SLC30A8: variants seen among roughly 807,000 people sequenced by gnomAD.
SLC30A8 encodes the protein solute carrier family 30 member 8.
Under a neutral mutation model 36.9 loss-of-function variants are expected in SLC30A8, and 27 were observed. The ratio of observed to expected loss-of-function variants is 0.73; its 90% CI spans 0.54 to 1.01. SLC30A8 has a LOEUF of 1.01. SLC30A8 is among the 50% of genes least tolerant of loss of function. SLC30A8 has a pLI of 0.00. For missense variants in SLC30A8, 439 were observed against 452.0 expected, an observed-to-expected ratio of 0.97 and a Z score of 0.26; for synonymous variants, 164 against 172.4, an observed-to-expected ratio of 0.95 and a Z score of 0.38.
rs140560452 is a variant in SLC30A8, at chr8:117,058,798, A to T, written c.-226+19540A>T. On this transcript the variant is annotated intron_variant, in intron 2 of 10. Coordinates refer to the SLC30A8 transcript ENST00000427715. ...TTTGGTGTCCACACACAACTTTTTT[A>T]TTGGAATCCACACACACACCCACTC... Among the ~76,000 whole-genome samples the T allele has an allele frequency of 4.3e-3, 654 of 152,284 alleles. 3 individuals are homozygous for T. Among genetic ancestry groups the T allele is most frequent in the Non-Finnish European group, 7.2e-3 (489 of 68,004 alleles).
chr8:116,991,171 GTCA>G (rs1348370434), intron 1 of SLC30A8, among the ~76,000 whole-genome samples: 1 of 152,062 alleles, frequency 6.6e-6, no homozygotes, highest in East Asian at 1.9e-4. Flanking sequence ...TAGAAGAATA[GTCA>G]TCGTTTTAAA....
At position 117,171,025 on chromosome 8, in the gene SLC30A8, T is replaced by C. The variant is rs1161722159; in HGVS notation, c.830-9T>C. 1 of 1,577,714 alleles carries C rather than the reference T, an allele frequency of 6.3e-7. No homozygotes were observed. The highest frequency in any genetic ancestry group is 8.6e-7 in the Non-Finnish European group (1 of 1,164,094). On this transcript the variant is annotated splice_polypyrimidine_tract_variant and intron_variant, in intron 6 of 7. Coordinates refer to ENST00000456015, the MANE Select transcript of SLC30A8 (RefSeq NM_173851.3). ...ATAACTACAGCCTCCATCTCTTCCC[T>C]TTTGTCAGGTGTGCCAAAGAGCCTG...
At chr8:117,128,471 G>A (rs532938041) in intron 2 of SLC30A8, 12 of 152,076 alleles carry the variant, frequency 7.9e-5, no homozygotes, top group African/African-American at 2.9e-4. Flanking sequence ...ACGCGTCTGT[G>A]TGTGTGCTCA....
chr8:117,116,591 T>C (rs1446104623), intron 2 of SLC30A8, among the ~76,000 whole-genome samples: 1 of 152,010 alleles, frequency 6.6e-6, no homozygotes, highest in Non-Finnish European at 1.5e-5. Context: ...ATTTCAGGTG[T>C]GTCTGGATTT....
chr8:117,084,405 A>G (rs562551876), intron 2 of SLC30A8, among the ~76,000 whole-genome samples: 2 of 152,268 alleles, frequency 1.3e-5, no homozygotes, highest in East Asian at 3.9e-4. Context: ...TTATGTATCA[A>G]ATTTGACCCT....
At position 116,958,841 on chromosome 8, in the gene SLC30A8, A is replaced by ATTTTT. The variant is rs758505118; in HGVS notation, c.-266+7746_-266+7750dup. ...CCTATAGCCCACTGATGCTCTTTTC[A>ATTTTT]TTTTTTTTTTTTTTTTTTTTTTTTT... On this transcript the variant is annotated intron_variant, in intron 1 of 10. Coordinates refer to the SLC30A8 transcript ENST00000427715. Among the ~76,000 whole-genome samples the ATTTTT allele has an allele frequency of 4.0e-4, 24 of 60,030 alleles. 8 individuals are homozygous for ATTTTT. Among genetic ancestry groups the ATTTTT allele is most frequent in the African/African-American group, 8.3e-4 (12 of 14,422 alleles). 39.4% of individuals were successfully genotyped at this position (60,030 alleles called of 152,430 possible). A position where few individuals can be genotyped will look rare whatever the true frequency, so the allele number is the denominator to read the frequency against.
intron 2 of SLC30A8, among the ~76,000 whole-genome samples, chr8:117,114,814 C>T (rs141330855): frequency 1.3e-3 from 194 of 152,138 alleles, no homozygotes; most frequent in African/African-American, 4.5e-3. Context: ...CTGGGAGCAG[C>T]CTCAGAAATG....
intron 6 of SLC30A8, among the ~76,000 whole-genome samples, chr8:117,165,128 C>T (rs1468233729): frequency 7.2e-5 from 11 of 152,206 alleles, no homozygotes; most frequent in Admixed American, 7.2e-4. Flanking sequence ...AGACCCACCT[C>T]TGTTCAAATG....
chr8:116,986,588 C>T lies in SLC30A8; in HGVS notation c.-266+35469C>T, dbSNP rs567107494. ...TCAATCATCAAGTCAGAAGATAGACCGAAAAACAAACAAAATTAACAGCTC... is the reference window on the plus strand; with the variant it reads ...TCAATCATCAAGTCAGAAGATAGACTGAAAAACAAACAAAATTAACAGCTC... On this transcript the variant is annotated intron_variant, in intron 1 of 10. Transcript: ENST00000427715. 5.3e-5 allele frequency among the ~76,000 whole-genome samples: 8 copies of T among 152,010 alleles called. No individual in the cohort carries two copies. In the South Asian group the frequency reaches 1.0e-3, roughly 20 times the overall value.
chr8:117,116,259 G>A (rs1437731026), intron 2 of SLC30A8, among the ~76,000 whole-genome samples: 1 of 152,004 alleles, frequency 6.6e-6, no homozygotes, highest in Non-Finnish European at 1.5e-5. Context: ...GGAGGGCTTT[G>A]ATTAGAAGTG....
At chr8:117,111,414 T>G (rs1397147636) in intron 2 of SLC30A8, among the ~76,000 whole-genome samples, 2 of 152,132 alleles carry the variant, frequency 1.3e-5, no homozygotes, top group Non-Finnish European at 2.9e-5. Flanking sequence ...CCATCTCTTC[T>G]TTCTTCTTTT....
At chr8:117,158,758 C>T (rs1822630617) in intron 4 of SLC30A8, among the ~76,000 whole-genome samples, 1 of 150,586 alleles carries the variant, frequency 6.6e-6, no homozygotes, top group African/African-American at 2.5e-5. Flanking sequence ...TTCTGGGCAA[C>T]TCTACTTAAA....
intron 2 of SLC30A8, among the ~76,000 whole-genome samples, chr8:117,056,738 G>C (rs1309128899): frequency 6.6e-6 from 1 of 152,006 alleles, no homozygotes; most frequent in Admixed American, 6.6e-5. Flanking sequence ...AGCCCTTTGG[G>C]GAAAATAAAA....
intron 1 of SLC30A8, among the ~76,000 whole-genome samples, chr8:116,971,290 G>T (rs1275718938): frequency 6.6e-6 from 1 of 151,634 alleles, no homozygotes; most frequent in East Asian, 1.9e-4. Flanking sequence ...TGTTATAGAG[G>T]CATTCCCTGT....
chr8:117,018,664 C>CA (rs746600218), intron 1 of SLC30A8, among the ~76,000 whole-genome samples: 5 of 39,950 alleles, frequency 1.3e-4, no homozygotes, highest in African/African-American at 2.9e-4. Flanking sequence ...ATCTGACTAG[C>CA]CCCCCCCCCC....
chr8:117,101,549 T>TA (rs1333088513), intron 2 of SLC30A8, among the ~76,000 whole-genome samples: 1 of 152,222 alleles, frequency 6.6e-6, no homozygotes, highest in African/African-American at 2.4e-5. Context: ...TGATGGTTAA[T>TA]AGTGCTTATC....
chr8:117,112,071 T>C (rs955541913), intron 2 of SLC30A8, among the ~76,000 whole-genome samples: 1 of 152,158 alleles, frequency 6.6e-6, no homozygotes, highest in African/African-American at 2.4e-5. Context: ...TGACATTTCT[T>C]CCGTCTCTAT....
intron 1 of SLC30A8, among the ~76,000 whole-genome samples, chr8:116,976,245 T>TTC (rs1201415119): frequency 0.014 from 2,146 of 148,718 alleles, 59 homozygotes; most frequent in African/African-American, 0.05. Context: ...TCTCTCTCTT[T>TTC]TTTTTTTTTT....
chr8:117,060,083 T>A (rs1210867712), intron 2 of SLC30A8, among the ~76,000 whole-genome samples: 2 of 152,034 alleles, frequency 1.3e-5, no homozygotes, highest in Non-Finnish European at 2.9e-5. Context: ...AGGAGCTGGT[T>A]TGGGATGGAG....
Sources: gnomAD v4.1 joint callset for allele counts (sites outside exome capture counted in the v4.1 genomes callset) on GRCh38, gnomAD v4.1.1 for gene constraint, MANE v1.5 for transcripts, NCBI Gene and HGNC (gene_info 2026-07-23, HGNC 2026-07-21) for gene names.